Variants in SLC10A7 observed in about 807,000 individuals in gnomAD.
SLC10A7 encodes solute carrier family 10 member 7, also known as sodium/bile acid cotransporter 7.
A neutral mutation model predicts 43.2 loss-of-function variants in SLC10A7; 29 were observed. The ratio of observed to expected loss-of-function variants is 0.67; its 90% CI spans 0.50 to 0.92. The LOEUF is 0.92. Ranked by LOEUF, SLC10A7 falls within the 40% of genes least tolerant of loss-of-function variation. The probability of loss-of-function intolerance (pLI) is 0.00; values close to 1 mark genes in which losing one functional copy is unlikely to be tolerated. For synonymous variants in SLC10A7, 152 were observed against 144.8 expected (o/e 1.05, Z -0.35); for missense variants, 295 against 403.2 (o/e 0.73, Z 2.30).
intron 5 of SLC10A7, among the ~76,000 whole-genome samples, chr4:146,396,440 G>T (rs968305759): frequency 6.6e-6 from 1 of 152,020 alleles, no homozygotes; most frequent in Non-Finnish European, 1.5e-5. Context: ...GCTCATGAAA[G>T]TAGAAAAGGT....
rs746946691 is a variant in SLC10A7, at chr4:146,256,894, G to A, written c.994-374C>T. 2.5e-5 allele frequency: 39 copies of A among 1,536,212 alleles called. No homozygotes were observed. Among genetic ancestry groups the A allele is most frequent in the Admixed American group, 2.4e-4 (12 of 50,980 alleles). ...ATGGATAGATATTCCAAGCCTTCTGGATTATTCAAGTTAGCCAGTGGCCCC... is the reference window on the plus strand; with the variant it reads ...ATGGATAGATATTCCAAGCCTTCTGAATTATTCAAGTTAGCCAGTGGCCCC... On this transcript the variant is annotated intron_variant, in intron 11 of 11. Coordinates refer to ENST00000335472, the MANE Select transcript of SLC10A7 (RefSeq NM_001029998.6).
At chr4:146,480,415 G>A (rs539252548) in intron 4 of SLC10A7, among the ~76,000 whole-genome samples, 9 of 152,066 alleles carry the variant, frequency 5.9e-5, no homozygotes, top group East Asian at 1.9e-4. Context: ...TTTCTCTTTC[G>A]TGTAAAAGAT....
intron 7 of SLC10A7, among the ~76,000 whole-genome samples, chr4:146,303,235 T>G (rs1177055585): frequency 6.6e-6 from 1 of 152,172 alleles, no homozygotes; most frequent in Non-Finnish European, 1.5e-5. Flanking sequence ...CATCCTACTT[T>G]ATTCACTCTA....
intron 6 of SLC10A7, among the ~76,000 whole-genome samples, chr4:146,325,294 G>C (rs947966921): frequency 6.6e-6 from 1 of 152,138 alleles, no homozygotes; most frequent in Non-Finnish European, 1.5e-5. Context: ...CTCAGCATGA[G>C]ATAACATTAA....
At chr4:146,428,768 A>T in intron 5 of SLC10A7, among the ~76,000 whole-genome samples, 1 of 152,286 alleles carries the variant, frequency 6.6e-6, no homozygotes, top group East Asian at 1.9e-4. Context: ...AATAAACTTT[A>T]ATTTAAAAAA....
At chr4:146,331,863 C>A (rs1733558997) in intron 5 of SLC10A7, among the ~76,000 whole-genome samples, 1 of 152,098 alleles carries the variant, frequency 6.6e-6, no homozygotes, top group Non-Finnish European at 1.5e-5. Flanking sequence ...ATGAGTGAGA[C>A]TGGTCAACAA....
Position 146,429,805 on chromosome 4 carries a change from T to C in SLC10A7, c.435+12978A>G, listed in dbSNP as rs6817479. On this transcript the variant is annotated intron_variant, in intron 5 of 11. Coordinates refer to ENST00000335472, the MANE Select transcript of SLC10A7 (RefSeq NM_001029998.6). ...AGGATAATAGAATGGATGGGAACAG[T>C]GCAAGCAAAGAGGTGGGAGCAGAAA... Among the ~76,000 whole-genome samples the C allele has an allele frequency of 1.1e-3, 170 of 151,944 alleles. 3 individuals carry two copies. The highest frequency in any genetic ancestry group is 4.0e-3 in the African/African-American group (164 of 41,424).
chr4:146,289,873 G>T (rs561244371), intron 9 of SLC10A7, among the ~76,000 whole-genome samples: 2 of 150,100 alleles, frequency 1.3e-5, no homozygotes, highest in African/African-American at 4.9e-5. Flanking sequence ...ACGCCACCAC[G>T]CTGGGCTAAT....
chr4:146,454,493 A>G (rs1731880737), intron 4 of SLC10A7, among the ~76,000 whole-genome samples: 1 of 151,874 alleles, frequency 6.6e-6, no homozygotes, highest in Non-Finnish European at 1.5e-5. Context: ...TCTCTATTAC[A>G]TCCACACTGT....
chr4:146,330,791 T>C (rs942217281), intron 5 of SLC10A7, among the ~76,000 whole-genome samples: 6 of 152,158 alleles, frequency 3.9e-5, no homozygotes, highest in African/African-American at 1.4e-4. Context: ...GGCTGTGCCT[T>C]TGCCAGAGAA....
intron 5 of SLC10A7, among the ~76,000 whole-genome samples, chr4:146,434,300 T>C (rs763635874): frequency 2.9e-5 from 4 of 139,578 alleles, no homozygotes; most frequent in Non-Finnish European, 6.1e-5. Context: ...ATATTAAAAT[T>C]ACAGCAGCTT....
At chr4:146,418,661 C>G (rs1365879346) in intron 5 of SLC10A7, among the ~76,000 whole-genome samples, 1 of 152,162 alleles carries the variant, frequency 6.6e-6, no homozygotes, top group East Asian at 1.9e-4. Flanking sequence ...TCTTACCACT[C>G]GATACAACAC....
intron 3 of SLC10A7, among the ~76,000 whole-genome samples, chr4:146,508,110 A>T (rs186223251): frequency 6.6e-6 from 1 of 152,202 alleles, no homozygotes; most frequent in Non-Finnish European, 1.5e-5. Flanking sequence ...AGCCGACCCT[A>T]TGGAAATATT....
At chr4:146,267,337 C>T (rs527563644) in intron 10 of SLC10A7, among the ~76,000 whole-genome samples, 12 of 152,102 alleles carry the variant, frequency 7.9e-5, no homozygotes, top group Non-Finnish European at 1.6e-4. Flanking sequence ...GTCTGCACAG[C>T]CCCCAGAATT....
At chr4:146,340,106 T>C (rs1054524338) in intron 5 of SLC10A7, among the ~76,000 whole-genome samples, 3 of 151,910 alleles carry the variant, frequency 2.0e-5, no homozygotes, top group Non-Finnish European at 2.9e-5. Flanking sequence ...CTTAATAATA[T>C]GTTTATTTTT....
chr4:146,415,732 G>A (rs1254014692), intron 5 of SLC10A7, among the ~76,000 whole-genome samples: 2 of 152,134 alleles, frequency 1.3e-5, no homozygotes, highest in Non-Finnish European at 2.9e-5. Flanking sequence ...GATTAGCAGA[G>A]TTCATCTGTA....
intron 5 of SLC10A7, among the ~76,000 whole-genome samples, chr4:146,440,813 TAAAAC>T (rs1228169118): frequency 2.0e-5 from 3 of 152,108 alleles, no homozygotes; most frequent in African/African-American, 7.2e-5. Flanking sequence ...ATAAAAAAAG[TAAAAC>T]AACGCTTCTG....
chr4:146,513,568 T>C (rs926731350), intron 2 of SLC10A7, among the ~76,000 whole-genome samples: 1 of 152,184 alleles, frequency 6.6e-6, no homozygotes, highest in Non-Finnish European at 1.5e-5. Flanking sequence ...ACCTAATAAA[T>C]GACAATTAGA....
chr4:146,444,036 A>G (rs116508975), intron 4 of SLC10A7, among the ~76,000 whole-genome samples: 2,662 of 152,314 alleles, frequency 0.017, 69 homozygotes, highest in African/African-American at 0.061. Flanking sequence ...AGTGAAAAAA[A>G]GAAAATCAGC....
Sources: gnomAD v4.1 joint callset for allele counts (sites outside exome capture counted in the v4.1 genomes callset) on GRCh38, gnomAD v4.1.1 for gene constraint, MANE v1.5 for transcripts, NCBI Gene and HGNC (gene_info 2026-07-23, HGNC 2026-07-21) for gene names.